The following VPS50 variants were observed in gnomAD, a reference collection of about 807,000 sequenced individuals.
VPS50 encodes the protein VPS50 subunit of EARP/GARPII complex.
A neutral mutation model predicts 139.7 loss-of-function variants in VPS50; 70 were observed. The observed-to-expected ratio is 0.50, with a 90% CI of 0.41 to 0.61. The LOEUF is 0.61. Ranked by LOEUF, VPS50 falls within the 20% of genes least tolerant of loss-of-function variation. VPS50 has a pLI of 0.00. For missense variants in VPS50, 921 were observed against 1,133.7 expected, an observed-to-expected ratio of 0.81 and a Z score of 2.69; for synonymous variants, 365 against 376.7, an observed-to-expected ratio of 0.97 and a Z score of 0.36.
chr7:93,346,382 G>A (rs1798394524), intron 23 of VPS50, among the ~76,000 whole-genome samples: 1 of 152,138 alleles, frequency 6.6e-6, no homozygotes, highest in Non-Finnish European at 1.5e-5. Context: ...TCAATATAAT[G>A]AAAATGGCCA....
At chr7:93,233,560 A>G (rs930140416) in intron 1 of VPS50, among the ~76,000 whole-genome samples, 11 of 152,250 alleles carry the variant, frequency 7.2e-5, no homozygotes, top group Non-Finnish European at 1.6e-4. Context: ...TGACCCTTAC[A>G]TGATTATTTT....
At chr7:93,307,213 A>C (rs1265194038) in intron 18 of VPS50, among the ~76,000 whole-genome samples, 2 of 151,892 alleles carry the variant, frequency 1.3e-5, no homozygotes, top group African/African-American at 4.8e-5. Flanking sequence ...TTATCAGCCC[A>C]TCAGTACATA....
intron 12 of VPS50, among the ~76,000 whole-genome samples, chr7:93,279,902 T>C (rs867684020): frequency 6.6e-6 from 1 of 152,134 alleles, no homozygotes; most frequent in East Asian, 1.9e-4. Flanking sequence ...TGAAAAGAGA[T>C]AATCATCTGC....
At chr7:93,245,077 A>G (rs1213527614) in intron 2 of VPS50, among the ~76,000 whole-genome samples, 1 of 151,804 alleles carries the variant, frequency 6.6e-6, no homozygotes, top group Non-Finnish European at 1.5e-5. Flanking sequence ...ACAAGCAAAA[A>G]TAGATAATTG....
Position 93,292,961 on chromosome 7 carries a change from C to T in VPS50, c.1075+1126C>T, listed in dbSNP as rs184770849. ...ACTACCCCTGGGACCATGAGCTCTG[C>T]GATCTGAGAGGCCTGGCTTCAAGTT... On this transcript the variant is annotated intron_variant, in intron 13 of 27. Coordinates refer to ENST00000305866, the MANE Select transcript of VPS50 (RefSeq NM_017667.4). Among the ~76,000 whole-genome samples, 159 of 152,174 alleles carry T rather than the reference C, an allele frequency of 1.0e-3. 1 individual carries two copies. Among genetic ancestry groups the T allele is most frequent in the African/African-American group, 3.4e-3 (143 of 41,526 alleles).
chr7:93,324,403 A>G (rs568185896), intron 21 of VPS50, among the ~76,000 whole-genome samples: 18 of 152,342 alleles, frequency 1.2e-4, no homozygotes, highest in African/African-American at 4.3e-4. Context: ...TTGCCCATTA[A>G]GTATGATATT....
chr7:93,246,217 T>C, intron 2 of VPS50: 1 of 883,568 alleles, frequency 1.1e-6, no homozygotes, highest in Non-Finnish European at 1.7e-6. Flanking sequence ...AAAAAGTCTT[T>C]GATCAAAGAT....
chr7:93,325,832 C>T (rs541012722), intron 21 of VPS50, among the ~76,000 whole-genome samples: 7 of 151,196 alleles, frequency 4.6e-5, no homozygotes, highest in African/African-American at 1.7e-4. Flanking sequence ...AATAGGAACA[C>T]TTTTACACTG....
intron 1 of VPS50, among the ~76,000 whole-genome samples, chr7:93,234,955 G>C (rs1184165421): frequency 6.7e-6 from 1 of 150,332 alleles, no homozygotes; most frequent in Non-Finnish European, 1.5e-5. Flanking sequence ...AAAAAAAATA[G>C]ACAAGTGTTA....
At chr7:93,296,885 T>G in intron 15 of VPS50, 49 bp downstream of exon 15, 1 of 1,534,960 alleles carries the variant, frequency 6.5e-7, no homozygotes. Flanking sequence ...CATTCAACCA[T>G]GATAAATCAT....
intron 12 of VPS50, among the ~76,000 whole-genome samples, chr7:93,282,584 T>G (rs1252838783): frequency 6.6e-6 from 1 of 152,226 alleles, no homozygotes; most frequent in African/African-American, 2.4e-5. Flanking sequence ...ACATGAATGC[T>G]GATTATCTTT....
chr7:93,282,650 T>C (rs1374730935), intron 12 of VPS50, among the ~76,000 whole-genome samples: 2 of 152,214 alleles, frequency 1.3e-5, no homozygotes, highest in Non-Finnish European at 2.9e-5. Flanking sequence ...ATAATTTGTG[T>C]TGCATATCAA....
chr7:93,350,805 G>A (rs1301241140), intron 25 of VPS50, among the ~76,000 whole-genome samples: 2 of 152,126 alleles, frequency 1.3e-5, no homozygotes, highest in Non-Finnish European at 2.9e-5. Context: ...CTGGAGATGA[G>A]GCCTGAGGGA....
intron 2 of VPS50, among the ~76,000 whole-genome samples, chr7:93,249,101 T>C (rs559375431): frequency 1.3e-5 from 2 of 152,220 alleles, no homozygotes; most frequent in African/African-American, 4.8e-5. Context: ...TGAAATTATA[T>C]GGGGTTGTAT....
At chr7:93,247,857 T>A (rs993742639) in intron 2 of VPS50, among the ~76,000 whole-genome samples, 1 of 152,012 alleles carries the variant, frequency 6.6e-6, no homozygotes, top group Non-Finnish European at 1.5e-5. Flanking sequence ...GATTTGTTCA[T>A]TTTTTGCCTT....
At chr7:93,276,600 A>G (rs1007810750) in intron 12 of VPS50, among the ~76,000 whole-genome samples, 2 of 152,156 alleles carry the variant, frequency 1.3e-5, no homozygotes, top group Non-Finnish European at 2.9e-5. Context: ...TTATGAATGC[A>G]TCCAGTAGGC....
At position 93,250,149 on chromosome 7, in the gene VPS50, G is replaced by A. The variant is rs566789656; in HGVS notation, c.103-2504G>A. ...TTTCCAAGCATATTTGATTATTCAGGTTTGATATTTATGAGTTTGCCTTCT... is the reference window on the plus strand; with the variant it reads ...TTTCCAAGCATATTTGATTATTCAGATTTGATATTTATGAGTTTGCCTTCT... On this transcript the variant is annotated intron_variant, in intron 2 of 27. Transcript: ENST00000305866. Among the ~76,000 whole-genome samples the A allele has an allele frequency of 5.3e-5, 8 of 151,964 alleles. No individual in the cohort carries two copies. In the South Asian group the frequency reaches 1.7e-3, roughly 32 times the overall value.
In VPS50 at chr7:93,290,759, A is replaced by C. The variant is rs1796625749; in HGVS notation, c.943-944A>C. Among the ~76,000 whole-genome samples, 4 of 152,186 alleles carry C rather than the reference A, an allele frequency of 2.6e-5. No homozygotes were observed. The South Asian group carries it at 8.3e-4, about 32-fold the overall frequency. ...TAAGCTAGTATTTTTATTACTTGCC[A>C]AATGAATGTTTTGGTGAATGAGTTT... On this transcript the variant is annotated intron_variant, in intron 12 of 27. Coordinates refer to ENST00000305866, the MANE Select transcript of VPS50 (RefSeq NM_017667.4).
At chr7:93,272,559 G>C in intron 10 of VPS50, 76 bp from the exon 11 acceptor site, 2 of 584,112 alleles carry the variant, frequency 3.4e-6, no homozygotes, top group East Asian at 3.1e-5. Context: ...TGAGAAATTA[G>C]TCTTAATGTT....
Sources: allele counts gnomAD v4.1 joint callset (sites outside exome capture counted in the v4.1 genomes callset), GRCh38; gene constraint gnomAD v4.1.1; transcripts MANE v1.5; gene names NCBI Gene and HGNC (gene_info 2026-07-23, HGNC 2026-07-21).